The following SGCZ variants were observed in gnomAD, a reference collection of about 807,000 sequenced individuals.
The protein encoded by SGCZ is zeta-sarcoglycan.
In SGCZ, 40 loss-of-function variants were observed where a neutral mutation model predicts 41.3. That is an observed-to-expected ratio of 0.97 (90% CI 0.75 to 1.26). The LOEUF is 1.26. Ranked by LOEUF, SGCZ falls within the 50% of genes most tolerant of loss-of-function variation. The pLI is 0.00. For synonymous variants in SGCZ, 206 were observed against 137.5 expected (o/e 1.50, Z -3.49); for missense variants, 552 against 369.8 (o/e 1.49, Z -4.04).
At chr8:14,256,275 T>A (rs1462432511) in intron 3 of SGCZ, among the ~76,000 whole-genome samples, 10 of 152,018 alleles carry the variant, frequency 6.6e-5, no homozygotes, top group Admixed American at 6.6e-4. Context: ...GTAAGAGAGG[T>A]GCATGTATGA....
At chr8:14,970,048 C>G (rs967906212) in intron 1 of SGCZ, among the ~76,000 whole-genome samples, 1 of 152,116 alleles carries the variant, frequency 6.6e-6, no homozygotes, top group African/African-American at 2.4e-5. Flanking sequence ...CATTCTCATA[C>G]AGTCATTTTA....
At chr8:14,894,404 T>G (rs947672889) in intron 1 of SGCZ, among the ~76,000 whole-genome samples, 3 of 152,162 alleles carry the variant, frequency 2.0e-5, no homozygotes, top group Admixed American at 2.0e-4. Flanking sequence ...TGGTGCAAAG[T>G]GAAAGGAAAA....
intron 1 of SGCZ, among the ~76,000 whole-genome samples, chr8:14,669,861 G>T (rs772724998): frequency 1.2e-4 from 18 of 152,154 alleles, no homozygotes; most frequent in Non-Finnish European, 1.5e-5. Flanking sequence ...TATATACCCA[G>T]AAATGGGGTT....
intron 5 of SGCZ, among the ~76,000 whole-genome samples, chr8:14,161,981 G>A (rs1299641434): frequency 6.6e-6 from 1 of 152,086 alleles, no homozygotes; most frequent in Non-Finnish European, 1.5e-5. Flanking sequence ...AAGGGAGAGA[G>A]AATAGATAAC....
At chr8:14,687,997 T>A (rs1317958059) in intron 1 of SGCZ, among the ~76,000 whole-genome samples, 1 of 152,244 alleles carries the variant, frequency 6.6e-6, no homozygotes, top group Admixed American at 6.5e-5. Flanking sequence ...TGTCTTCTTT[T>A]GAGAAGTGTC....
intron 3 of SGCZ, among the ~76,000 whole-genome samples, chr8:14,306,438 G>T (rs975032444): frequency 6.6e-5 from 10 of 152,228 alleles, no homozygotes; most frequent in Admixed American, 6.5e-4. Context: ...GGGAAATATT[G>T]TAATTTCTCT....
intron 4 of SGCZ, among the ~76,000 whole-genome samples, chr8:14,218,528 A>AAAGT (rs1806079539): frequency 6.6e-6 from 1 of 152,258 alleles, no homozygotes; most frequent in Non-Finnish European, 1.5e-5. Flanking sequence ...GGTTGATGCA[A>AAAGT]AAGTAATTGC....
At chr8:14,754,935 T>G (rs1341750397) in intron 1 of SGCZ, among the ~76,000 whole-genome samples, 2 of 152,160 alleles carry the variant, frequency 1.3e-5, no homozygotes, top group Non-Finnish European at 2.9e-5. Flanking sequence ...TTCACCATTT[T>G]GCCCAGAATG....
At chr8:14,887,030 G>A (rs1167177691) in intron 1 of SGCZ, among the ~76,000 whole-genome samples, 1 of 152,134 alleles carries the variant, frequency 6.6e-6, no homozygotes, top group African/African-American at 2.4e-5. Context: ...GAAGAAAGGT[G>A]ATGCCATTTA....
intron 1 of SGCZ, among the ~76,000 whole-genome samples, chr8:14,768,269 C>T (rs1800108486): frequency 6.6e-6 from 1 of 152,156 alleles, no homozygotes; most frequent in Non-Finnish European, 1.5e-5. Flanking sequence ...TAAGAAGAGG[C>T]TGTGTTCTTC....
intron 5 of SGCZ, among the ~76,000 whole-genome samples, chr8:14,131,678 A>C (rs1192809802): frequency 1.3e-5 from 2 of 152,178 alleles, no homozygotes; most frequent in Admixed American, 1.3e-4. Context: ...GTGTTTCATC[A>C]AATTTGTAAT....
At chr8:14,407,161 TG>T (rs747577751) in intron 2 of SGCZ, among the ~76,000 whole-genome samples, 11 of 147,176 alleles carry the variant, frequency 7.5e-5, no homozygotes, top group Non-Finnish European at 1.2e-4. Context: ...TTCCACCTCC[TG>T]GGTTCAAGCT....
intron 1 of SGCZ, among the ~76,000 whole-genome samples, chr8:14,976,632 C>G (rs907557428): frequency 6.6e-6 from 1 of 152,168 alleles, no homozygotes; most frequent in South Asian, 2.1e-4. Context: ...AACAACGTCA[C>G]TTTCACCCTA....
chr8:14,628,290 G>A (rs1034919608), intron 1 of SGCZ, among the ~76,000 whole-genome samples: 10 of 151,892 alleles, frequency 6.6e-5, no homozygotes, highest in African/African-American at 2.2e-4. Context: ...CTTAAAATTT[G>A]TCTTGAGTTT....
intron 1 of SGCZ, among the ~76,000 whole-genome samples, chr8:15,232,730 C>CAT (rs1348543560): frequency 7.6e-6 from 1 of 131,938 alleles, no homozygotes; most frequent in Non-Finnish European, 1.6e-5. Context: ...TATATATATA[C>CAT]ATATATATGT....
chr8:14,748,743 T>A (rs1441049475), intron 1 of SGCZ, among the ~76,000 whole-genome samples: 1 of 144,470 alleles, frequency 6.9e-6, no homozygotes, highest in East Asian at 2.0e-4. Context: ...ATAGTGCATG[T>A]TGAACACTAG....
At chr8:15,066,545 T>C (rs1805155438) in intron 1 of SGCZ, among the ~76,000 whole-genome samples, 1 of 152,214 alleles carries the variant, frequency 6.6e-6, no homozygotes, top group Non-Finnish European at 1.5e-5. Context: ...AAGATTTTCA[T>C]AGTCAACTTT....
chr8:14,423,770 C>T (rs1353817536), intron 2 of SGCZ, among the ~76,000 whole-genome samples: 1 of 152,146 alleles, frequency 6.6e-6, no homozygotes, highest in African/African-American at 2.4e-5. Context: ...TCCTTCCTTC[C>T]GTCCCCCCAT....
intron 2 of SGCZ, among the ~76,000 whole-genome samples, chr8:14,332,034 CTAAG>C (rs1802345681): frequency 6.6e-6 from 1 of 151,790 alleles, no homozygotes; most frequent in Non-Finnish European, 1.5e-5. Context: ...TATCCTTATT[CTAAG>C]TATTACCCAA....
Sources: gnomAD v4.1 joint callset for allele counts (sites outside exome capture counted in the v4.1 genomes callset) on GRCh38, gnomAD v4.1.1 for gene constraint, MANE v1.5 for transcripts, NCBI Gene and HGNC (gene_info 2026-07-23, HGNC 2026-07-21) for gene names.